ZNF469: variants seen among roughly 807,000 people sequenced by gnomAD.
ZNF469 encodes zinc finger protein 469.
In ZNF469, 1 loss-of-function variant was observed where a neutral mutation model predicts 1.0. The observed-to-expected ratio is 1.00, with a 90% CI of 0.35 to 4.73. ZNF469 has a LOEUF of 4.73. Among genes scored for constraint, ZNF469 ranks in the 30% most tolerant of loss-of-function variants. The pLI is 0.16. For synonymous variants in ZNF469, 2,703 were observed against 2,363.4 expected (o/e 1.14, Z -4.17); for missense variants, 6,100 against 5,356.3 (o/e 1.14, Z -4.33).
At chr16:88,201,733 C>T in the ZNF469 span, among the ~76,000 whole-genome samples, 2 of 152,218 alleles carry the variant, frequency 1.3e-5, no homozygotes, top group South Asian at 4.2e-4. The surrounding 1 kb of genome is among the most constrained non-coding windows in gnomAD (Gnocchi z 5.0). Flanking sequence ...TTGAGCAGGT[C>T]CTTACATGCC....
At chr16:88,247,333 T>C in the ZNF469 span, among the ~76,000 whole-genome samples, 4 of 26,366 alleles carry the variant, frequency 1.5e-4, no homozygotes, top group East Asian at 1.6e-3. Context: ...GAATGGTGAA[T>C]GAGTGAATGA....
chr16:88,206,381 A>G, the ZNF469 span, among the ~76,000 whole-genome samples: 3 of 151,986 alleles, frequency 2.0e-5, no homozygotes, highest in African/African-American at 4.8e-5. Context: ...ACTTCCATTC[A>G]TTGCATTGAT....
upstream of ZNF469, among the ~76,000 whole-genome samples, chr16:88,378,572 T>C (rs2142254031): frequency 6.6e-6 from 1 of 152,008 alleles, no homozygotes; most frequent in Non-Finnish European, 1.5e-5. Context: ...GAGCGCCGAG[T>C]CTGCACCTCT....
At chr16:88,222,569 C>T in the ZNF469 span, among the ~76,000 whole-genome samples, 1 of 152,150 alleles carries the variant, frequency 6.6e-6, no homozygotes, top group Non-Finnish European at 1.5e-5. Context: ...TCCAGCCTGA[C>T]CAACATGGAG....
At chr16:88,208,469 G>A in the ZNF469 span, among the ~76,000 whole-genome samples, 1 of 130,708 alleles carries the variant, frequency 7.7e-6, no homozygotes. Context: ...GTAAGGGGAG[G>A]AGAGGAGGGA....
chr16:88,392,949 G>A (rs1165965058), intron 1 of ZNF469, among the ~76,000 whole-genome samples: 3 of 152,230 alleles, frequency 2.0e-5, no homozygotes, highest in East Asian at 1.9e-4. Flanking sequence ...GCTGAGGGTC[G>A]TGACTGTCAC....
chr16:88,174,678 C>T, the ZNF469 span, among the ~76,000 whole-genome samples: 1 of 148,686 alleles, frequency 6.7e-6, no homozygotes, highest in Admixed American at 6.8e-5. Context: ...GGATGATGAC[C>T]TTTACAATGA....
the ZNF469 span, among the ~76,000 whole-genome samples, chr16:88,257,115 ATTTTTTT>A: frequency 8.5e-6 from 1 of 117,068 alleles, no homozygotes; most frequent in Non-Finnish European, 1.7e-5. Flanking sequence ...TACCCCACTA[ATTTTTTT>A]TTTTTTTTTT....
chr16:88,155,035 T>G, the ZNF469 span, among the ~76,000 whole-genome samples: 1 of 152,146 alleles, frequency 6.6e-6, no homozygotes, highest in Non-Finnish European at 1.5e-5. Flanking sequence ...CAGGTCCAGG[T>G]GGGGCTGGAG....
At chr16:88,351,162 T>C in the ZNF469 span, among the ~76,000 whole-genome samples, 1 of 152,186 alleles carries the variant, frequency 6.6e-6, no homozygotes, top group African/African-American at 2.4e-5. Context: ...ACAGGCAGTG[T>C]GGCCTGTCCC....
the ZNF469 span, among the ~76,000 whole-genome samples, chr16:88,164,859 C>A: frequency 6.6e-6 from 1 of 152,186 alleles, no homozygotes; most frequent in Non-Finnish European, 1.5e-5. Context: ...GAGGCAGGAC[C>A]AGCACAGGAC....
the ZNF469 span, among the ~76,000 whole-genome samples, chr16:88,198,865 C>T: frequency 6.6e-6 from 1 of 152,210 alleles, no homozygotes; most frequent in African/African-American, 2.4e-5. Flanking sequence ...AGACGTGAGC[C>T]TGTGTGTGGC....
At chr16:88,132,172 G>A in the ZNF469 span, among the ~76,000 whole-genome samples, 1 of 152,212 alleles carries the variant, frequency 6.6e-6, no homozygotes, top group Non-Finnish European at 1.5e-5. Flanking sequence ...CTGCACTTGG[G>A]GTCATGCCAC....
At chr16:88,101,045 G>A in the ZNF469 span, 467 of 220,406 alleles carry the variant, frequency 2.1e-3, 3 homozygotes, top group African/African-American at 0.01. Context: ...GATGGGCGCC[G>A]GCAGACACGC....
intron 1 of ZNF469, among the ~76,000 whole-genome samples, chr16:88,410,203 A>G (rs1182323835): frequency 6.6e-6 from 1 of 150,978 alleles, no homozygotes; most frequent in Non-Finnish European, 1.5e-5. Context: ...GATGCCATTG[A>G]TGGTGCAGGT....
At chr16:88,421,676 G>A (rs926413819) in intron 1 of ZNF469, among the ~76,000 whole-genome samples, 1 of 152,214 alleles carries the variant, frequency 6.6e-6, no homozygotes, top group African/African-American at 2.4e-5. Context: ...CCCAGGAGAT[G>A]CGAAGGACAG....
At chr16:88,272,748 G>C in the ZNF469 span, among the ~76,000 whole-genome samples, 1 of 149,806 alleles carries the variant, frequency 6.7e-6, no homozygotes. Context: ...ATGGATGAAC[G>C]GGTGGGTGTG....
At position 88,434,679 on chromosome 16, in the gene ZNF469, G is replaced by A. The variant is rs1906443071; in HGVS notation, c.7209G>A (p.Leu2403=). ...GGGTCACCTGCCCTTCCACAGGACT[G>A]GGCTTGGGAAGAACCACAGCCCCAA... is the stretch of plus-strand genomic sequence containing the variant. ...MPRVTCPSTG[L]GLGRTTAPSS... is the part of the protein sequence containing the mutation. Residue 2403 remains leucine (L), a synonymous_variant, in exon 3 of 3, where the codon CTG becomes CTA. Transcript: ENST00000565624. The A allele has an allele frequency of 1.9e-6, 3 of 1,550,354 alleles. No individual in the cohort carries two copies. Among genetic ancestry groups the A allele is most frequent in the Non-Finnish European group, 2.6e-6 (3 of 1,146,968 alleles).
At chr16:88,212,826 C>T in the ZNF469 span, among the ~76,000 whole-genome samples, 6 of 152,030 alleles carry the variant, frequency 3.9e-5, no homozygotes, top group East Asian at 3.9e-4. Flanking sequence ...TCAAGCAATC[C>T]GCCTGCATTG....
Sources: gnomAD v4.1 joint callset for allele counts (sites outside exome capture counted in the v4.1 genomes callset) on GRCh38, gnomAD v4.1.1 for gene constraint, Gnocchi (gnomAD v3.1) non-coding constraint, MANE v1.5 for transcripts, NCBI Gene and HGNC (gene_info 2026-07-23, HGNC 2026-07-21) for gene names.